Variants in TMEM74 observed in about 807,000 individuals in gnomAD.
TMEM74 encodes transmembrane protein 74.
A neutral mutation model predicts 18.1 loss-of-function variants in TMEM74; 13 were observed. That is an observed-to-expected ratio of 0.72 (90% CI 0.47 to 1.14). TMEM74 has a LOEUF of 1.14. Ranked by LOEUF, TMEM74 falls within the 50% of genes most tolerant of loss-of-function variation. The pLI is 0.00. For synonymous variants in TMEM74, 159 were observed against 146.6 expected (o/e 1.08, Z -0.61); for missense variants, 372 against 375.9 (o/e 0.99, Z 0.09).
At chr8:108,632,663 G>A (rs1812566643) in intron 2 of TMEM74, among the ~76,000 whole-genome samples, 1 of 151,906 alleles carries the variant, frequency 6.6e-6, no homozygotes, top group South Asian at 2.1e-4. Context: ...AACATTTATT[G>A]CTCATTGTTA....
At chr8:108,678,164 A>C (rs1446881612) in intron 1 of TMEM74, among the ~76,000 whole-genome samples, 1 of 152,218 alleles carries the variant, frequency 6.6e-6, no homozygotes, top group African/African-American at 2.4e-5. Context: ...TCAACAGATT[A>C]TCTCTTTTCA....
At chr8:108,734,312 C>A (rs890574574) in intron 1 of TMEM74, among the ~76,000 whole-genome samples, 10 of 151,892 alleles carry the variant, frequency 6.6e-5, no homozygotes, top group Non-Finnish European at 7.3e-5. Flanking sequence ...GAGAGTCCCT[C>A]TAGTGGTTTC....
intron 1 of TMEM74, among the ~76,000 whole-genome samples, chr8:108,714,704 T>C (rs1237706528): frequency 6.6e-6 from 1 of 152,208 alleles, no homozygotes; most frequent in African/African-American, 2.4e-5. Context: ...CAAATCATTC[T>C]ACCAAAAAGA....
At chr8:108,639,621 T>G (rs1433363880) in intron 2 of TMEM74, among the ~76,000 whole-genome samples, 1 of 152,158 alleles carries the variant, frequency 6.6e-6, no homozygotes, top group African/African-American at 2.4e-5. Flanking sequence ...ACCTTTTGGG[T>G]GGGATAATTT....
chr8:108,733,203 G>A (rs1409272742), intron 1 of TMEM74, among the ~76,000 whole-genome samples: 2 of 152,144 alleles, frequency 1.3e-5, no homozygotes, highest in African/African-American at 4.8e-5. Context: ...GTTCTAGAAT[G>A]TGTACAGCTA....
chr8:108,657,875 T>TATATATATATATATTAATTAC (rs1554630279), intron 1 of TMEM74, among the ~76,000 whole-genome samples: 14 of 55,550 alleles, frequency 2.5e-4, no homozygotes, highest in African/African-American at 1.0e-3. Context: ...TATATATATA[T>TATATATATATATATTAATTAC]ATATATATAT....
chr8:108,766,069 A>G (rs923725934), intron 1 of TMEM74, among the ~76,000 whole-genome samples: 2 of 152,198 alleles, frequency 1.3e-5, no homozygotes, highest in Admixed American at 1.3e-4. Flanking sequence ...ATTCCCTAAT[A>G]TTTAAATAGG....
chr8:108,651,387 A>G (rs1487557396), intron 2 of TMEM74, among the ~76,000 whole-genome samples: 4 of 152,108 alleles, frequency 2.6e-5, no homozygotes, highest in African/African-American at 9.7e-5. Flanking sequence ...TTTCATCTGA[A>G]TATAGTCTTT....
intron 1 of TMEM74, among the ~76,000 whole-genome samples, chr8:108,761,468 C>G (rs921202993): frequency 3.3e-5 from 5 of 152,044 alleles, no homozygotes; most frequent in Non-Finnish European, 7.4e-5. Flanking sequence ...GCCATAGGTA[C>G]AGTTCTGTAC....
intron 1 of TMEM74, among the ~76,000 whole-genome samples, chr8:108,708,707 A>G (rs1813442827): frequency 6.6e-6 from 1 of 151,866 alleles, no homozygotes; most frequent in African/African-American, 2.4e-5. Flanking sequence ...AAGATTTAAC[A>G]GAATAAAATG....
intron 2 of TMEM74, among the ~76,000 whole-genome samples, chr8:108,618,148 A>G (rs1812404326): frequency 6.6e-6 from 1 of 152,100 alleles, no homozygotes; most frequent in Non-Finnish European, 1.5e-5. Context: ...TTTTATGCCT[A>G]TTGCCTTTGA....
chr8:108,662,505 C>T (rs80017009), intron 1 of TMEM74, among the ~76,000 whole-genome samples: 1,766 of 152,138 alleles, frequency 0.012, 37 homozygotes, highest in African/African-American at 0.04. Flanking sequence ...TAATGCCCTT[C>T]GTTTTTCCAC....
At chr8:108,669,344 C>A (rs1190204616) in intron 1 of TMEM74, among the ~76,000 whole-genome samples, 2 of 152,090 alleles carry the variant, frequency 1.3e-5, no homozygotes, top group African/African-American at 2.4e-5. Context: ...CACAAGTTAT[C>A]CTGCCGAGCA....
chr8:108,698,596 C>G (rs939700306), intron 1 of TMEM74, among the ~76,000 whole-genome samples: 1 of 152,070 alleles, frequency 6.6e-6, no homozygotes, highest in Non-Finnish European at 1.5e-5. Context: ...ATTTCCTATC[C>G]AAAATGTAGC....
downstream of TMEM74, among the ~76,000 whole-genome samples, chr8:108,776,353 T>C (rs1362404834): frequency 6.6e-6 from 1 of 152,160 alleles, no homozygotes; most frequent in Non-Finnish European, 1.5e-5. Context: ...ATTAGCCAAG[T>C]GCAGTGGCAG....
intron 1 of TMEM74, among the ~76,000 whole-genome samples, chr8:108,707,322 C>T: frequency 7.3e-6 from 1 of 137,108 alleles, no homozygotes; most frequent in East Asian, 2.5e-4. Flanking sequence ...TACCCTAGAA[C>T]TTAAACTATA....
chr8:108,678,968 A>G (rs941095085), intron 1 of TMEM74, among the ~76,000 whole-genome samples: 31 of 137,906 alleles, frequency 2.2e-4, no homozygotes, highest in African/African-American at 8.2e-4. Context: ...TCATTGTTCA[A>G]TTCCCACCTA....
chr8:108,731,527 C>A (rs1813695203), intron 1 of TMEM74, among the ~76,000 whole-genome samples: 1 of 152,096 alleles, frequency 6.6e-6, no homozygotes, highest in Non-Finnish European at 1.5e-5. Context: ...ATAAAAATTT[C>A]TTCCGTAGGA....
At chr8:108,776,165 G>GT (rs1335487192), downstream of TMEM74, among the ~76,000 whole-genome samples, 1 of 152,188 alleles carries the variant, frequency 6.6e-6, no homozygotes, top group African/African-American at 2.4e-5. Context: ...ACAGGATTTT[G>GT]TTGGGTTTTG....
Sources: gnomAD v4.1 joint callset for allele counts (sites outside exome capture counted in the v4.1 genomes callset) on GRCh38, gnomAD v4.1.1 for gene constraint, MANE v1.5 for transcripts, NCBI Gene and HGNC (gene_info 2026-07-23, HGNC 2026-07-21) for gene names.